The following RBFOX1 variants were observed in gnomAD, a reference collection of about 807,000 sequenced individuals.
RBFOX1 encodes RNA binding protein fox-1 homolog 1.
RBFOX1 carries 8 observed loss-of-function variants against 57.7 expected under a neutral mutation model. The ratio of observed to expected loss-of-function variants is 0.14; its 90% CI spans 0.08 to 0.25. RBFOX1 has a LOEUF of 0.25. Ranked by LOEUF, RBFOX1 falls within the 10% of genes least tolerant of loss-of-function variation. The pLI, the probability that RBFOX1 is intolerant of heterozygous loss-of-function variation, is 1.00. For synonymous variants in RBFOX1, 326 were observed against 222.4 expected, an observed-to-expected ratio of 1.47 and a Z score of -4.15; for missense variants, 611 against 548.5, an observed-to-expected ratio of 1.11 and a Z score of -1.14.
intron 1 of RBFOX1, among the ~76,000 whole-genome samples, chr16:6,058,896 C>T (rs1285036745): frequency 2.0e-5 from 3 of 152,030 alleles, no homozygotes; most frequent in Non-Finnish European, 4.4e-5. Flanking sequence ...ATCATGTATA[C>T]AGTAATTAAA....
intron 2 of RBFOX1, among the ~76,000 whole-genome samples, chr16:6,579,207 GTTGTTT>G (rs1238604384): frequency 2.0e-5 from 3 of 152,006 alleles, no homozygotes; most frequent in African/African-American, 7.2e-5. Context: ...TTTTGTTATT[GTTGTTT>G]TTGTTTTTGA....
intron 3 of RBFOX1, among the ~76,000 whole-genome samples, chr16:5,641,232 C>T (rs1241786056): frequency 2.0e-5 from 3 of 152,198 alleles, no homozygotes; most frequent in Non-Finnish European, 2.9e-5. Context: ...CATGCACATA[C>T]ACACATGTAC....
intron 3 of RBFOX1, among the ~76,000 whole-genome samples, chr16:5,729,233 A>G (rs1208780813): frequency 2.0e-5 from 3 of 152,224 alleles, no homozygotes; most frequent in Non-Finnish European, 4.4e-5. Flanking sequence ...AGATAGGGGT[A>G]TGAACATGGA....
chr16:5,774,722 G>T (rs958586354), intron 3 of RBFOX1, among the ~76,000 whole-genome samples: 1 of 152,002 alleles, frequency 6.6e-6, no homozygotes, highest in Non-Finnish European at 1.5e-5. Flanking sequence ...TCACTCTCTC[G>T]CCCAGACTAG....
intron 2 of RBFOX1, among the ~76,000 whole-genome samples, chr16:6,544,934 A>AT (rs2096874544): frequency 6.6e-6 from 1 of 152,122 alleles, no homozygotes; most frequent in African/African-American, 2.4e-5. Context: ...TTAAGAGTTT[A>AT]TTTTCTTACA....
At chr16:6,785,250 A>G (rs2081739477) in intron 3 of RBFOX1, among the ~76,000 whole-genome samples, 1 of 152,206 alleles carries the variant, frequency 6.6e-6, no homozygotes, top group Non-Finnish European at 1.5e-5. Context: ...TAACTAACAT[A>G]AGAGTTTATG....
At chr16:5,384,376 G>T (rs1265684662) in intron 1 of RBFOX1, among the ~76,000 whole-genome samples, 3 of 152,168 alleles carry the variant, frequency 2.0e-5, no homozygotes, top group Admixed American at 1.3e-4. Flanking sequence ...GTCAATAGAG[G>T]TTCTCCTAAA....
intron 10 of RBFOX1, among the ~76,000 whole-genome samples, chr16:7,611,149 G>A (rs965923631): frequency 6.6e-6 from 1 of 152,148 alleles, no homozygotes; most frequent in African/African-American, 2.4e-5. Flanking sequence ...TAACAACCCA[G>A]CCTCCCGTTG....
chr16:7,366,011 C>G (rs1038380454), intron 4 of RBFOX1, among the ~76,000 whole-genome samples: 1 of 152,202 alleles, frequency 6.6e-6, no homozygotes, highest in Non-Finnish European at 1.5e-5. Flanking sequence ...AACAGAAAGA[C>G]TCTGTGTCAG....
chr16:6,662,280 G>C (rs1169367960), intron 3 of RBFOX1, among the ~76,000 whole-genome samples: 3 of 152,120 alleles, frequency 2.0e-5, no homozygotes, highest in East Asian at 1.9e-4. Context: ...GATCTCAACT[G>C]TTCTCACACA....
At chr16:5,735,876 A>C (rs1478498203) in intron 3 of RBFOX1, among the ~76,000 whole-genome samples, 10 of 152,148 alleles carry the variant, frequency 6.6e-5, no homozygotes, top group Admixed American at 3.9e-4. Context: ...ACTCTGTCTC[A>C]AAAAACAAAT....
At chr16:6,863,701 G>T (rs375971262) in intron 3 of RBFOX1, among the ~76,000 whole-genome samples, 1 of 125,572 alleles carries the variant, frequency 8.0e-6, no homozygotes, top group Non-Finnish European at 1.6e-5. Context: ...AGAAATGACC[G>T]GAAGCACAAA....
chr16:7,370,201 C>T (rs533688887), intron 4 of RBFOX1, among the ~76,000 whole-genome samples: 1 of 152,170 alleles, frequency 6.6e-6, no homozygotes, highest in Admixed American at 6.5e-5. Context: ...CCAAACATTG[C>T]CATTGTCCCC....
intron 1 of RBFOX1, among the ~76,000 whole-genome samples, chr16:5,318,675 T>C (rs1181875098): frequency 6.6e-6 from 1 of 152,204 alleles, no homozygotes; most frequent in African/African-American, 2.4e-5. Context: ...AGATGGTCCC[T>C]CAAGATTCTC....
intron 4 of RBFOX1, among the ~76,000 whole-genome samples, chr16:7,310,964 T>G (rs1475500838): frequency 6.6e-6 from 1 of 152,244 alleles, no homozygotes; most frequent in Admixed American, 6.5e-5. Context: ...AACTTCCGCT[T>G]GGCCTGCTGG....
chr16:5,333,405 G>C (rs1386116939), intron 1 of RBFOX1, among the ~76,000 whole-genome samples: 1 of 150,960 alleles, frequency 6.6e-6, no homozygotes, highest in Non-Finnish European at 1.5e-5. Context: ...GACAGAGACT[G>C]TCAGGTCTGA....
intron 2 of RBFOX1, among the ~76,000 whole-genome samples, chr16:6,461,215 A>G (rs147853556): frequency 1.3e-3 from 191 of 152,320 alleles, no homozygotes; most frequent in Middle Eastern, 6.8e-3. Context: ...GCATTTACCT[A>G]TGTAGTGCAC....
At position 6,837,293 on chromosome 16, in the gene RBFOX1, C is replaced by G. The variant is rs74009324; in HGVS notation, c.-16+182643C>G. On this transcript the variant is annotated intron_variant, in intron 3 of 15. Coordinates refer to ENST00000550418, the MANE Select transcript of RBFOX1 (RefSeq NM_018723.4). ...TGCTAGTCTGTTCCACGAGGTGGCT[C>G]AAGACCCAGGCTGCTTCCATTTTGT... is the stretch of plus-strand genomic sequence containing the variant. Among the ~76,000 whole-genome samples, 1,060 of 152,294 alleles carry G rather than the reference C, an allele frequency of 7.0e-3. 14 individuals carry two copies. The highest frequency in any genetic ancestry group is 0.024 in the African/African-American group (999 of 41,558).
At chr16:5,727,589 T>C (rs1329687931) in intron 3 of RBFOX1, among the ~76,000 whole-genome samples, 2 of 152,222 alleles carry the variant, frequency 1.3e-5, no homozygotes, top group Non-Finnish European at 2.9e-5. Flanking sequence ...AACTTACTTA[T>C]CTTTTAACAA....
Sources: gnomAD v4.1 joint callset for allele counts (sites outside exome capture counted in the v4.1 genomes callset) on GRCh38, gnomAD v4.1.1 for gene constraint, MANE v1.5 for transcripts, NCBI Gene and HGNC (gene_info 2026-07-23, HGNC 2026-07-21) for gene names.